CHCHD6: variants seen among roughly 807,000 people sequenced by gnomAD.
The protein encoded by CHCHD6 is coiled-coil-helix-coiled-coil-helix domain containing 6, also known as MICOS complex subunit MIC25.
CHCHD6 carries 28 observed loss-of-function variants against 32.3 expected under a neutral mutation model. The ratio of observed to expected loss-of-function variants is 0.87; its 90% CI spans 0.64 to 1.19. The LOEUF is 1.19. CHCHD6 is among the 50% of genes most tolerant of loss of function. CHCHD6 has a pLI of 0.00. For missense variants in CHCHD6, 333 were observed against 307.0 expected (o/e 1.08, Z -0.63); for synonymous variants, 122 against 117.5 (o/e 1.04, Z -0.25).
intron 5 of CHCHD6, among the ~76,000 whole-genome samples, chr3:126,876,168 A>G (rs1051916970): frequency 1.3e-5 from 2 of 152,236 alleles, no homozygotes; most frequent in African/African-American, 2.4e-5. Context: ...AGAAATGTTC[A>G]TTATATGAGT....
chr3:126,775,951 C>T lies in CHCHD6; in HGVS notation c.411+42729C>T, dbSNP rs374971600. Among the ~76,000 whole-genome samples, 11 of 152,210 alleles carry T rather than the reference C, an allele frequency of 7.2e-5. No homozygotes were observed. The East Asian group carries it at 7.7e-4, about 11-fold the overall frequency. On this transcript the variant is annotated intron_variant, in intron 4 of 7. Transcript: ENST00000290913. ...TGGAGAGACTTTCATGGAGCCACAT[C>T]GCCACACAGGAGTGGGATTCGCTGA...
At chr3:126,895,433 C>T (rs2077824787) in intron 5 of CHCHD6, among the ~76,000 whole-genome samples, 1 of 152,100 alleles carries the variant, frequency 6.6e-6, no homozygotes, top group South Asian at 2.1e-4. Flanking sequence ...CTATTTGCAG[C>T]AGGAGAAAAG....
Position 126,960,385 on chromosome 3 carries a change from T to G in CHCHD6, c.*184T>G. 1 of 671,048 alleles carries G rather than the reference T, an allele frequency of 1.5e-6. No homozygotes were observed. The highest frequency in any genetic ancestry group is 2.6e-6 in the Non-Finnish European group (1 of 389,454). 41.6% of individuals were successfully genotyped at this position (671,048 alleles called of 1,614,324 possible). A position where few individuals can be genotyped will look rare whatever the true frequency, so the allele number is the denominator to read the frequency against. On this transcript the variant is annotated 3_prime_UTR_variant, in exon 8 of 8. Coordinates refer to ENST00000290913, the MANE Select transcript of CHCHD6 (RefSeq NM_032343.3). ...ACTGTCTGAAAACAAATAAAGCAGA[T>G]GCCTTTGTTTTCAGTCGTTGACTCA...
intron 6 of CHCHD6, among the ~76,000 whole-genome samples, chr3:126,926,955 A>G (rs925859640): frequency 1.3e-5 from 2 of 152,146 alleles, no homozygotes; most frequent in East Asian, 3.9e-4. Flanking sequence ...CTCTCAGGGC[A>G]GAGAGACAAA....
intron 5 of CHCHD6, chr3:126,865,419 C>T (rs1337224890): frequency 1.6e-5 from 4 of 248,948 alleles, no homozygotes; most frequent in African/African-American, 7.0e-5. Context: ...ACCACAACCA[C>T]CACTGCCACC....
chr3:126,952,050 G>A (rs73193167), intron 6 of CHCHD6, among the ~76,000 whole-genome samples: 2,037 of 152,332 alleles, frequency 0.013, 18 homozygotes, highest in African/African-American at 0.024. Context: ...CGCACATTGT[G>A]CAGTGAGTTG....
At chr3:126,831,648 C>G (rs559993991) in intron 4 of CHCHD6, among the ~76,000 whole-genome samples, 1 of 152,288 alleles carries the variant, frequency 6.6e-6, no homozygotes, top group South Asian at 2.1e-4. Flanking sequence ...CGGTTGGACT[C>G]AGAAGATGGG....
intron 1 of CHCHD6, among the ~76,000 whole-genome samples, chr3:126,723,309 A>T (rs1225981583): frequency 2.0e-5 from 3 of 152,118 alleles, no homozygotes; most frequent in Non-Finnish European, 4.4e-5. Context: ...AAAAGTTCCA[A>T]AAGTGAAAAT....
chr3:126,742,051 T>C (rs2107663796), intron 4 of CHCHD6, among the ~76,000 whole-genome samples: 1 of 152,336 alleles, frequency 6.6e-6, no homozygotes, highest in South Asian at 2.1e-4. Flanking sequence ...GAATCTGCTG[T>C]CTGTGTTACC....
At chr3:126,746,123 C>T (rs1040604117) in intron 4 of CHCHD6, among the ~76,000 whole-genome samples, 1 of 152,168 alleles carries the variant, frequency 6.6e-6, no homozygotes, top group Admixed American at 6.5e-5. Context: ...AAGCCTTTTG[C>T]ATGACACGTA....
chr3:126,892,120 C>T (rs139317560), intron 5 of CHCHD6, among the ~76,000 whole-genome samples: 1 of 152,214 alleles, frequency 6.6e-6, no homozygotes, highest in East Asian at 1.9e-4. Context: ...AGCAAGACAC[C>T]GGGGGGATCC....
intron 4 of CHCHD6, among the ~76,000 whole-genome samples, chr3:126,816,857 C>T (rs1033998998): frequency 2.6e-5 from 4 of 152,014 alleles, no homozygotes; most frequent in Admixed American, 1.3e-4. Flanking sequence ...TGCTATCCCT[C>T]CCCCCTCTTC....
At chr3:126,958,206 C>T (rs1002289404) in intron 7 of CHCHD6, among the ~76,000 whole-genome samples, 1 of 151,864 alleles carries the variant, frequency 6.6e-6, no homozygotes, top group African/African-American at 2.4e-5. Flanking sequence ...CCTCCCCCTT[C>T]CCAGGTCCCG....
chr3:126,817,887 C>T lies in CHCHD6; in HGVS notation c.412-34760C>T, dbSNP rs187692435. Among the ~76,000 whole-genome samples, 29 of 152,258 alleles carry T rather than the reference C, an allele frequency of 1.9e-4. No homozygotes were observed. In the East Asian group the frequency reaches 5.4e-3, roughly 28 times the overall value. ...ATTTTCTATTTGAAATTCATTCTTT[C>T]TGGGTTAGGCTACATACCACCTGGG... On this transcript the variant is annotated intron_variant, in intron 4 of 7. Coordinates refer to ENST00000290913, the MANE Select transcript of CHCHD6 (RefSeq NM_032343.3).
At chr3:126,748,719 A>C (rs1390595522) in intron 4 of CHCHD6, among the ~76,000 whole-genome samples, 6 of 152,088 alleles carry the variant, frequency 3.9e-5, no homozygotes, top group African/African-American at 1.2e-4. Flanking sequence ...TCTTCCTTTA[A>C]ATGTCCCTTC....
chr3:126,939,917 G>A (rs987677844), intron 6 of CHCHD6, among the ~76,000 whole-genome samples: 15 of 152,066 alleles, frequency 9.9e-5, no homozygotes, highest in African/African-American at 2.7e-4. Flanking sequence ...AGAAGATGAC[G>A]TGTGTGTGCA....
intron 5 of CHCHD6, among the ~76,000 whole-genome samples, chr3:126,891,060 G>A (rs959970354): frequency 6.6e-6 from 1 of 152,220 alleles, no homozygotes; most frequent in Non-Finnish European, 1.5e-5. Context: ...GCACTGCCCT[G>A]TGTGCTGGGG....
chr3:126,900,853 C>T (rs561052207), intron 5 of CHCHD6, among the ~76,000 whole-genome samples: 1 of 152,240 alleles, frequency 6.6e-6, no homozygotes, highest in South Asian at 2.1e-4. Flanking sequence ...ATCCTACCAT[C>T]TTGGCCTCCC....
At chr3:126,882,411 C>T (rs955419286) in intron 5 of CHCHD6, among the ~76,000 whole-genome samples, 2 of 152,216 alleles carry the variant, frequency 1.3e-5, no homozygotes, top group African/African-American at 4.8e-5. Flanking sequence ...TCTGGTTGTG[C>T]TACTAAGAAA....
Sources: allele counts gnomAD v4.1 joint callset (sites outside exome capture counted in the v4.1 genomes callset), GRCh38; gene constraint gnomAD v4.1.1; transcripts MANE v1.5; gene names NCBI Gene and HGNC (gene_info 2026-07-23, HGNC 2026-07-21).